CHM: variants seen among roughly 807,000 people sequenced by gnomAD.
CHM encodes CHM Rab escort protein.
CHM carries 10 observed loss-of-function variants against 49.0 expected under a neutral mutation model. The ratio of observed to expected loss-of-function variants is 0.20; its 90% CI spans 0.13 to 0.35. CHM has a LOEUF of 0.35. Ranked by LOEUF, CHM falls within the 10% of genes least tolerant of loss-of-function variation. The pLI, the probability that CHM is intolerant of heterozygous loss-of-function variation, is 1.00. For synonymous variants in CHM, 184 were observed against 167.5 expected (o/e 1.10, Z -0.76); for missense variants, 455 against 478.4 (o/e 0.95, Z 0.46).
chrX:86,022,404 T>C (rs1055005982), intron 2 of CHM, among the ~76,000 whole-genome samples: 6 of 111,362 alleles, frequency 5.4e-5, no homozygotes, highest in African/African-American at 2.0e-4. Context: ...AAATGTTCCT[T>C]TCCTTCAGAC....
chrX:86,010,412 T>C lies in CHM; in HGVS notation c.116+17079A>G, dbSNP rs77038173. Among the ~76,000 whole-genome samples, 673 of 109,015 alleles carry C rather than the reference T, an allele frequency of 6.2e-3. 3 individuals carry two copies. Among genetic ancestry groups the C allele is most frequent in the East Asian group, 0.055 (191 of 3,472 alleles). The allele number at this position is 109,015 out of a possible 115,157, so 94.7% of individuals were successfully genotyped here. ...AAATTCAAATAAGGTCTGTAGTTAATAGTATTCTACCAATATTAATTCCTG... is the reference window on the plus strand; with the variant it reads ...AAATTCAAATAAGGTCTGTAGTTAACAGTATTCTACCAATATTAATTCCTG... On this transcript the variant is annotated intron_variant, in intron 2 of 14. Coordinates refer to ENST00000357749, the MANE Select transcript of CHM (RefSeq NM_000390.4).
At chrX:85,892,408 G>A (rs979927260) in intron 12 of CHM, among the ~76,000 whole-genome samples, 5 of 110,221 alleles carry the variant, frequency 4.5e-5, no homozygotes, top group African/African-American at 9.9e-5. Flanking sequence ...CATGGGGGCC[G>A]GTCTTTCTTG....
Position 86,047,477 on chromosome X carries a change from C to A in CHM, c.49+7G>T. The A allele has an allele frequency of 8.3e-7, 1 of 1,206,784 alleles. No homozygotes were observed. On this transcript the variant is annotated splice_region_variant and intron_variant, in intron 1 of 14. Transcript: ENST00000357749. Reference sequence around the variant, plus strand: ...ACTTTGTCCAGGAAGCACCAGGCTACACATACCCGTCCCTATTACGATCAC... The same window carrying A: ...ACTTTGTCCAGGAAGCACCAGGCTAAACATACCCGTCCCTATTACGATCAC...
intron 11 of CHM, among the ~76,000 whole-genome samples, chrX:85,895,091 T>C (rs1399690443): frequency 3.6e-5 from 4 of 110,200 alleles, no homozygotes; most frequent in Non-Finnish European, 7.6e-5. Context: ...TAGATGGCTT[T>C]ATATTTTAAA....
intron 1 of CHM, among the ~76,000 whole-genome samples, chrX:86,038,390 G>A (rs765233407): frequency 2.3e-4 from 26 of 111,240 alleles, no homozygotes; most frequent in Admixed American, 6.7e-4. Flanking sequence ...TCCCCACTTC[G>A]AGTTGTCTGG....
chrX:85,951,039 T>C (rs900286287), intron 8 of CHM, among the ~76,000 whole-genome samples: 3 of 111,421 alleles, frequency 2.7e-5, no homozygotes, highest in Non-Finnish European at 3.8e-5. Flanking sequence ...AAACTTCCAC[T>C]CAAGAGAAAA....
intron 2 of CHM, among the ~76,000 whole-genome samples, chrX:85,991,711 T>G: frequency 9.0e-6 from 1 of 111,218 alleles, no homozygotes; most frequent in East Asian, 2.8e-4. Context: ...GAGGGAATTA[T>G]AGCAGTAGGC....
intron 4 of CHM, among the ~76,000 whole-genome samples, chrX:85,968,927 C>T (rs1266481972): frequency 2.7e-5 from 3 of 112,053 alleles, no homozygotes; most frequent in Non-Finnish European, 5.6e-5. Flanking sequence ...TAACTGTAGA[C>T]AGTGATGAGT....
intron 2 of CHM, among the ~76,000 whole-genome samples, chrX:85,992,690 A>T (rs1932258670): frequency 8.9e-6 from 1 of 112,209 alleles, no homozygotes; most frequent in Non-Finnish European, 1.9e-5. Context: ...CTAATGTCAG[A>T]GAGGAAGACC....
chrX:85,976,703 C>A (rs1931280717), intron 4 of CHM, among the ~76,000 whole-genome samples: 1 of 110,874 alleles, frequency 9.0e-6, no homozygotes, highest in South Asian at 3.9e-4. Context: ...AAACACGTTT[C>A]ATTAATGGCA....
intron 2 of CHM, among the ~76,000 whole-genome samples, chrX:85,993,325 GA>G (rs1002266965): frequency 8.3e-5 from 9 of 107,811 alleles, no homozygotes; most frequent in African/African-American, 1.7e-4. Context: ...CCTATCCTGA[GA>G]AAAAAAAAAT....
At chrX:85,882,969 G>A (rs1924854294) in intron 12 of CHM, among the ~76,000 whole-genome samples, 1 of 111,120 alleles carries the variant, frequency 9.0e-6, no homozygotes, top group African/African-American at 3.3e-5. Context: ...ATGAAGGGGT[G>A]CAATTAGTCC....
At chrX:86,035,120 T>C (rs1934184218) in intron 1 of CHM, among the ~76,000 whole-genome samples, 1 of 112,054 alleles carries the variant, frequency 8.9e-6, no homozygotes, top group South Asian at 3.8e-4. Context: ...GATTACCTCC[T>C]GAAAACAAAG....
intron 2 of CHM, among the ~76,000 whole-genome samples, chrX:86,019,884 C>T (rs1603280711): frequency 9.0e-6 from 1 of 110,645 alleles, no homozygotes; most frequent in Non-Finnish European, 1.9e-5. Context: ...ATGGCAATGA[C>T]GGTGAGGAAG....
intron 8 of CHM, among the ~76,000 whole-genome samples, chrX:85,946,350 C>T (rs1483514901): frequency 8.9e-6 from 1 of 112,190 alleles, no homozygotes; most frequent in Non-Finnish European, 1.9e-5. Context: ...TCGAGGCAGC[C>T]CCTCCCATCA....
chrX:85,926,977 G>A, intron 8 of CHM, among the ~76,000 whole-genome samples: 1 of 111,389 alleles, frequency 9.0e-6, no homozygotes, highest in Non-Finnish European at 1.9e-5. Flanking sequence ...CAGAAGTTTT[G>A]GAGAGTTCTG....
intron 12 of CHM, among the ~76,000 whole-genome samples, chrX:85,882,923 G>A (rs1001740059): frequency 9.0e-6 from 1 of 111,080 alleles, no homozygotes; most frequent in Non-Finnish European, 1.9e-5. Context: ...GGCCAAGTCA[G>A]TTTTTCTCTC....
intron 8 of CHM, among the ~76,000 whole-genome samples, chrX:85,919,263 A>G (rs1185390518): frequency 8.9e-6 from 1 of 112,011 alleles, no homozygotes; most frequent in Non-Finnish European, 1.9e-5. Flanking sequence ...TACAGGTTAA[A>G]AATATATAAA....
intron 7 of CHM, among the ~76,000 whole-genome samples, chrX:85,957,551 G>A (rs1930066450): frequency 9.1e-6 from 1 of 110,320 alleles, no homozygotes; most frequent in Non-Finnish European, 1.9e-5. Flanking sequence ...TAAATAATAA[G>A]AATAAAAATT....
Sources: gnomAD v4.1 joint callset for allele counts (sites outside exome capture counted in the v4.1 genomes callset) on GRCh38, gnomAD v4.1.1 for gene constraint, MANE v1.5 for transcripts, NCBI Gene and HGNC (gene_info 2026-07-23, HGNC 2026-07-21) for gene names.